ELMO1: variants seen among roughly 807,000 people sequenced by gnomAD.
ELMO1 encodes the protein engulfment and cell motility 1, also known as engulfment and cell motility protein 1.
ELMO1 carries 26 observed loss-of-function variants against 98.9 expected under a neutral mutation model. That is an observed-to-expected ratio of 0.26 (90% CI 0.19 to 0.36). ELMO1 has a LOEUF of 0.36. ELMO1 is among the 10% of genes least tolerant of loss of function. ELMO1 has a pLI of 1.00. For synonymous variants in ELMO1, 346 were observed against 346.0 expected, an observed-to-expected ratio of 1.00 and a Z score of 0.00; for missense variants, 627 against 935.2, an observed-to-expected ratio of 0.67 and a Z score of 4.30.
At chr7:37,051,567 T>G (rs1233711888) in intron 15 of ELMO1, among the ~76,000 whole-genome samples, 1 of 151,628 alleles carries the variant, frequency 6.6e-6, no homozygotes, top group East Asian at 1.9e-4. Context: ...TTATTTACCC[T>G]TATACTTAAA....
intron 16 of ELMO1, among the ~76,000 whole-genome samples, chr7:36,916,297 T>A (rs572455295): frequency 1.1e-3 from 175 of 152,352 alleles, no homozygotes; most frequent in Non-Finnish European, 1.9e-3. Flanking sequence ...TAGGTCCAGC[T>A]TCTACCCAAG....
intron 15 of ELMO1, among the ~76,000 whole-genome samples, chr7:37,056,234 G>A (rs777928888): frequency 1.3e-5 from 2 of 152,162 alleles, no homozygotes; most frequent in African/African-American, 2.4e-5. Flanking sequence ...TACCCAAGAG[G>A]GAAGAAATGC....
chr7:36,947,626 C>T (rs1308486040), intron 16 of ELMO1, among the ~76,000 whole-genome samples: 1 of 152,162 alleles, frequency 6.6e-6, no homozygotes, highest in Non-Finnish European at 1.5e-5. Context: ...CTTTCCTTAG[C>T]CTAAAATATT....
chr7:37,006,909 G>A (rs1793172113), intron 16 of ELMO1, among the ~76,000 whole-genome samples: 1 of 152,174 alleles, frequency 6.6e-6, no homozygotes, highest in Non-Finnish European at 1.5e-5. Context: ...TCTTTCTGCT[G>A]TCTCTGGATA....
intron 1 of ELMO1, among the ~76,000 whole-genome samples, chr7:37,364,906 C>T (rs186873884): frequency 3.9e-5 from 6 of 152,288 alleles, no homozygotes; most frequent in African/African-American, 1.2e-4. Flanking sequence ...AACCTGTTAA[C>T]GATTCCTGGA....
intron 10 of ELMO1, among the ~76,000 whole-genome samples, chr7:37,218,424 T>C (rs1366667987): frequency 2.0e-5 from 3 of 152,060 alleles, no homozygotes; most frequent in Non-Finnish European, 2.9e-5. Flanking sequence ...GAGAAGACAA[T>C]AAATGTTTGA....
At chr7:37,164,404 T>C (rs1031514704) in intron 13 of ELMO1, among the ~76,000 whole-genome samples, 4 of 152,160 alleles carry the variant, frequency 2.6e-5, no homozygotes, top group African/African-American at 7.2e-5. Context: ...AGACATGAAG[T>C]CCTTGCCCAT....
At chr7:37,190,666 AC>A (rs1791509802) in intron 13 of ELMO1, among the ~76,000 whole-genome samples, 1 of 151,926 alleles carries the variant, frequency 6.6e-6, no homozygotes, top group South Asian at 2.1e-4. Context: ...CGCCCGGCTA[AC>A]TTTTGTATTT....
At chr7:36,977,573 G>A (rs889035037) in intron 16 of ELMO1, among the ~76,000 whole-genome samples, 22 of 152,164 alleles carry the variant, frequency 1.4e-4, no homozygotes, top group Admixed American at 1.1e-3. Flanking sequence ...TCTCCTTAAC[G>A]GTTCTAACAG....
chr7:37,126,538 AT>A (rs1232867817), intron 14 of ELMO1, among the ~76,000 whole-genome samples: 2 of 152,026 alleles, frequency 1.3e-5, no homozygotes, highest in Non-Finnish European at 2.9e-5. Context: ...ATAATGAAAT[AT>A]TTACCTGCTC....
At chr7:36,925,089 G>C (rs1016195938) in intron 16 of ELMO1, among the ~76,000 whole-genome samples, 1 of 152,102 alleles carries the variant, frequency 6.6e-6, no homozygotes, top group East Asian at 1.9e-4. Flanking sequence ...CGCCAACCAG[G>C]AATTATCCAG....
At chr7:37,032,015 G>A (rs1049053308) in intron 15 of ELMO1, among the ~76,000 whole-genome samples, 8 of 152,146 alleles carry the variant, frequency 5.3e-5, no homozygotes, top group African/African-American at 1.4e-4. Context: ...ACCAGGAAGC[G>A]CGCCCTTCCA....
intron 20 of ELMO1, among the ~76,000 whole-genome samples, chr7:36,864,095 GGGT>G (rs1437677025): frequency 6.6e-6 from 1 of 152,164 alleles, no homozygotes; most frequent in African/African-American, 2.4e-5. Flanking sequence ...GGCTGACCCT[GGGT>G]GACAAGTGCC....
Position 36,912,269 on chromosome 7 carries a change from T to C in ELMO1, c.1438-17252A>G, listed in dbSNP as rs376935476. 1.3e-4 allele frequency among the ~76,000 whole-genome samples: 20 copies of C among 152,280 alleles called. No homozygotes were observed. The South Asian group carries it at 4.1e-3, about 32-fold the overall frequency. ...AATTCCCACCCAAGAAAGGATACTA[T>C]AGAGGGTTTGTCAGTGGTTATGTTA... On this transcript the variant is annotated intron_variant, in intron 16 of 21. Transcript: ENST00000310758.
chr7:37,395,014 A>G (rs1234249678), intron 1 of ELMO1, among the ~76,000 whole-genome samples: 6 of 152,156 alleles, frequency 3.9e-5, no homozygotes, highest in East Asian at 1.9e-4. Flanking sequence ...TATCATAAGC[A>G]TAGCTGGGAG....
At chr7:37,250,158 AG>A (rs1795262961) in intron 6 of ELMO1, among the ~76,000 whole-genome samples, 1 of 152,238 alleles carries the variant, frequency 6.6e-6, no homozygotes, top group Admixed American at 6.5e-5. Context: ...ATAGGGAAAT[AG>A]TTCACTGTAC....
chr7:36,935,202 A>G (rs904077259), intron 16 of ELMO1, among the ~76,000 whole-genome samples: 14 of 152,132 alleles, frequency 9.2e-5, no homozygotes, highest in Non-Finnish European at 2.1e-4. Context: ...AGATGGTTTT[A>G]TAAGGGGAAA....
intron 15 of ELMO1, among the ~76,000 whole-genome samples, chr7:37,019,212 C>T (rs1794129940): frequency 6.6e-6 from 1 of 152,156 alleles, no homozygotes; most frequent in African/African-American, 2.4e-5. Flanking sequence ...GAAATCAAAC[C>T]CAGCATTGTA....
intron 1 of ELMO1, among the ~76,000 whole-genome samples, chr7:37,361,118 T>C (rs1485939309): frequency 6.6e-6 from 1 of 152,226 alleles, no homozygotes; most frequent in Non-Finnish European, 1.5e-5. Flanking sequence ...ATTAAGTACA[T>C]ATTTATCATA....
Sources: gnomAD v4.1 joint callset for allele counts (sites outside exome capture counted in the v4.1 genomes callset) on GRCh38, gnomAD v4.1.1 for gene constraint, MANE v1.5 for transcripts, NCBI Gene and HGNC (gene_info 2026-07-23, HGNC 2026-07-21) for gene names.